MEGF9: variants seen among roughly 807,000 people sequenced by gnomAD.
MEGF9 encodes the protein multiple EGF like domains 9.
Under a neutral mutation model 46.8 loss-of-function variants are expected in MEGF9, and 6 were observed. The ratio of observed to expected loss-of-function variants is 0.13; its 90% CI spans 0.07 to 0.25. MEGF9 has a LOEUF of 0.25. MEGF9 is among the 10% of genes least tolerant of loss of function. The pLI is 1.00. For missense variants in MEGF9, 683 were observed against 792.4 expected (o/e 0.86, Z 1.66); for synonymous variants, 302 against 330.7 (o/e 0.91, Z 0.94).
rs192366058 is a variant in MEGF9 at position 120,710,635 on chromosome 9, A to G, written c.601+3123T>C. Among the ~76,000 whole-genome samples, 527 of 152,308 alleles carry G rather than the reference A, an allele frequency of 3.5e-3. 6 individuals carry two copies. The highest frequency in any genetic ancestry group is 0.012 in the African/African-American group (504 of 41,562). ...AGAAATTATTATTAATTCAAAAAGC[A>G]TCTATAAGACCTATTCAATCAAATA... On this transcript the variant is annotated intron_variant, in intron 1 of 5. Coordinates refer to ENST00000373930, the MANE Select transcript of MEGF9 (RefSeq NM_001080497.3).
At chr9:120,628,468 G>GTTTTTTTTTTTTT (rs1170322238) in intron 2 of MEGF9, among the ~76,000 whole-genome samples, 2 of 69,030 alleles carry the variant, frequency 2.9e-5, no homozygotes, top group Non-Finnish European at 2.6e-5. Flanking sequence ...TCTTGTCGTT[G>GTTTTTTTTTTTTT]TTTTTTTTTT....
chr9:120,690,954 T>C (rs915879464), intron 1 of MEGF9, among the ~76,000 whole-genome samples: 12 of 152,288 alleles, frequency 7.9e-5, no homozygotes, highest in Admixed American at 3.9e-4. Context: ...TAAATATGTA[T>C]GGAATGAGCA....
At chr9:120,675,628 C>T (rs1277254473) in intron 1 of MEGF9, among the ~76,000 whole-genome samples, 2 of 136,602 alleles carry the variant, frequency 1.5e-5, no homozygotes, top group African/African-American at 5.0e-5. Flanking sequence ...GTGGCTCATG[C>T]CTGTAATCCC....
At chr9:120,674,841 A>AT (rs1169828172) in intron 1 of MEGF9, among the ~76,000 whole-genome samples, 2 of 149,398 alleles carry the variant, frequency 1.3e-5, no homozygotes, top group Non-Finnish European at 3.0e-5. Flanking sequence ...AAGTGCTAGG[A>AT]TTACAGGTGT....
At chr9:120,700,418 T>C (rs1019861403) in intron 1 of MEGF9, among the ~76,000 whole-genome samples, 1 of 152,238 alleles carries the variant, frequency 6.6e-6, no homozygotes, top group Non-Finnish European at 1.5e-5. Flanking sequence ...GGGTTTTTGG[T>C]ACACTTTATA....
chr9:120,629,039 G>T (rs930969613), intron 2 of MEGF9, among the ~76,000 whole-genome samples: 3 of 151,998 alleles, frequency 2.0e-5, no homozygotes, highest in Non-Finnish European at 4.4e-5. Flanking sequence ...GCAGTGGTGC[G>T]ATCACAGCTC....
chr9:120,682,685 C>T (rs1301701000), intron 1 of MEGF9, among the ~76,000 whole-genome samples: 1 of 152,130 alleles, frequency 6.6e-6, no homozygotes, highest in East Asian at 1.9e-4. Flanking sequence ...CAGGCTCAGG[C>T]CATCCTCCTA....
intron 2 of MEGF9, 121 bp downstream of exon 2, chr9:120,659,253 T>C: frequency 1.6e-6 from 1 of 617,678 alleles, no homozygotes; most frequent in Non-Finnish European, 2.6e-6. Flanking sequence ...ATATAAAATA[T>C]TTTGTAAATC....
intron 1 of MEGF9, among the ~76,000 whole-genome samples, chr9:120,686,373 C>CG (rs2043822277): frequency 6.6e-6 from 1 of 152,138 alleles, no homozygotes; most frequent in Non-Finnish European, 1.5e-5. Context: ...CCACCAGGCC[C>CG]GGCCGAGGGA....
intron 1 of MEGF9, among the ~76,000 whole-genome samples, chr9:120,678,639 AT>A (rs779924658): frequency 1.3e-5 from 2 of 152,108 alleles, no homozygotes; most frequent in East Asian, 1.9e-4. Context: ...TACCTGGCTA[AT>A]TTTTTTGTAT....
At chr9:120,705,942 G>C (rs1200103813) in intron 1 of MEGF9, among the ~76,000 whole-genome samples, 3 of 151,538 alleles carry the variant, frequency 2.0e-5, no homozygotes, top group African/African-American at 7.3e-5. Flanking sequence ...CAAAAATCAA[G>C]ATAAAGGAAA....
At position 120,638,242 on chromosome 9, in the gene MEGF9, T is replaced by C. The variant is rs552526036; in HGVS notation, c.804-15487A>G. Among the ~76,000 whole-genome samples the C allele has an allele frequency of 2.8e-3, 422 of 152,340 alleles. 1 individual carries two copies. Among genetic ancestry groups the C allele is most frequent in the Non-Finnish European group, 4.9e-3 (333 of 68,024 alleles). On this transcript the variant is annotated intron_variant, in intron 2 of 5. Coordinates refer to ENST00000373930, the MANE Select transcript of MEGF9 (RefSeq NM_001080497.3). ...CCCGGCTTCAAGTGATTCTCCCACA[T>C]TGGCCTCCCAAAGTGCTAGGATCAC... is the stretch of plus-strand genomic sequence containing the variant.
At chr9:120,666,265 T>C (rs1195981123) in intron 1 of MEGF9, among the ~76,000 whole-genome samples, 2 of 152,216 alleles carry the variant, frequency 1.3e-5, no homozygotes, top group Admixed American at 1.3e-4. Flanking sequence ...TTATAATATT[T>C]ATCAGAGCAC....
chr9:120,655,524 G>A (rs760035783), intron 2 of MEGF9, among the ~76,000 whole-genome samples: 9 of 152,072 alleles, frequency 5.9e-5, no homozygotes, highest in East Asian at 1.9e-4. Flanking sequence ...ATTAAGTAAC[G>A]TAGTAATAAT....
chr9:120,605,382 G>C lies in MEGF9; in HGVS notation c.1617C>G (p.Arg539=). The C allele has an allele frequency of 6.2e-7, 1 of 1,613,980 alleles. No individual in the cohort carries two copies. Among genetic ancestry groups the C allele is most frequent in the South Asian group, 1.1e-5 (1 of 91,082 alleles). ...CATTGAGTTTCCGGTTTTGGTACTC[G>C]CGGTACATATATACAGCCCCCACAA... ...MGFVGAVYMY[R]EYQNRKLNAP... The change falls in exon 6 of 6, where the codon CGC becomes CGG. Residue 539 remains arginine, a synonymous_variant. Coordinates refer to ENST00000373930, the MANE Select transcript of MEGF9 (RefSeq NM_001080497.3). This position sits in a 1 kb window ranked among gnomAD's most constrained non-coding sequence, Gnocchi z 4.0.
intron 2 of MEGF9, among the ~76,000 whole-genome samples, chr9:120,629,319 G>C (rs1327506022): frequency 6.6e-6 from 1 of 151,940 alleles, no homozygotes; most frequent in Non-Finnish European, 1.5e-5. Flanking sequence ...GCCAAATCCT[G>C]CCTGAGACAC....
chr9:120,703,993 C>T (rs1554800009), intron 1 of MEGF9, among the ~76,000 whole-genome samples: 20 of 150,464 alleles, frequency 1.3e-4, no homozygotes. Context: ...AAGATAATGC[C>T]AAAGAGATTC....
intron 1 of MEGF9, among the ~76,000 whole-genome samples, chr9:120,662,129 A>G (rs879271892): frequency 1.3e-5 from 2 of 152,214 alleles, no homozygotes; most frequent in Non-Finnish European, 2.9e-5. Flanking sequence ...AAAGAATCCA[A>G]TTGAATTTAA....
chr9:120,651,015 T>C (rs949833776), intron 2 of MEGF9, among the ~76,000 whole-genome samples: 3 of 152,244 alleles, frequency 2.0e-5, no homozygotes, highest in African/African-American at 4.8e-5. Context: ...ATGTGTTTCA[T>C]AGTTTTGCAC....
Sources: allele counts gnomAD v4.1 joint callset (sites outside exome capture counted in the v4.1 genomes callset), GRCh38; gene constraint gnomAD v4.1.1; non-coding constraint Gnocchi (gnomAD v3.1); transcripts MANE v1.5; gene names NCBI Gene and HGNC (gene_info 2026-07-23, HGNC 2026-07-21).